Variants in DNAH8 observed in about 807,000 individuals in gnomAD.
The protein encoded by DNAH8 is axonemal beta dynein heavy chain 8.
DNAH8 carries 382 observed loss-of-function variants against 562.1 expected under a neutral mutation model. The ratio of observed to expected loss-of-function variants is 0.68; its 90% CI spans 0.63 to 0.74. The LOEUF (loss-of-function observed/expected upper bound fraction) is 0.74, where lower values mean the gene tolerates loss of function less well. Among genes scored for constraint, DNAH8 ranks in the 30% least tolerant of loss-of-function variants. The pLI is 0.00. For missense variants in DNAH8, 5,203 were observed against 5,620.4 expected (o/e 0.93, Z 2.37); for synonymous variants, 1,881 against 1,919.4 (o/e 0.98, Z 0.52).
At chr6:38,851,460 A>G (rs920663682) in intron 38 of DNAH8, 112 bp from the exon 39 acceptor site, 6 of 634,286 alleles carry the variant, frequency 9.5e-6, no homozygotes, top group African/African-American at 7.5e-5. Flanking sequence ...AAGTGACTTT[A>G]GGTGTTTGCT....
intron 12 of DNAH8, among the ~76,000 whole-genome samples, chr6:38,775,247 C>T (rs12206059): frequency 0.13 from 20,429 of 152,094 alleles, 1,869 homozygotes; most frequent in Non-Finnish European, 0.19. Flanking sequence ...GAAATGAAGT[C>T]CACTGTGAGG....
In DNAH8 at chr6:38,906,230, A is replaced by G. The variant is rs201424542; in HGVS notation, c.9195-24A>G. On this transcript the variant is annotated intron_variant, in intron 62 of 92. Coordinates refer to ENST00000327475, the MANE Select transcript of DNAH8 (RefSeq NM_001206927.2). ...CCGACTATATATTTTTTAATCTAAAACTTTCTATCATTTTTCTTCTTAGGT... is the reference window on the plus strand; with the variant it reads ...CCGACTATATATTTTTTAATCTAAAGCTTTCTATCATTTTTCTTCTTAGGT... The G allele has an allele frequency of 2.0e-6, 3 of 1,501,066 alleles. No individual in the cohort carries two copies. In the East Asian group the frequency reaches 6.8e-5, roughly 34 times the overall value. 93.0% of individuals were successfully genotyped at this position (1,501,066 alleles called of 1,614,324 possible).
chr6:38,934,808 C>T (rs753433496), intron 76 of DNAH8, among the ~76,000 whole-genome samples: 3 of 151,976 alleles, frequency 2.0e-5, no homozygotes, highest in Admixed American at 6.6e-5. Flanking sequence ...ATGACATCCA[C>T]GAGTGATTCA....
At chr6:38,727,364 G>A (rs1165895132) in intron 3 of DNAH8, among the ~76,000 whole-genome samples, 1 of 152,214 alleles carries the variant, frequency 6.6e-6, no homozygotes, top group Non-Finnish European at 1.5e-5. Context: ...TTGTTCTCTG[G>A]TTTACACTTG....
chr6:38,915,825 C>G (rs1049523243), intron 68 of DNAH8, among the ~76,000 whole-genome samples: 2 of 147,026 alleles, frequency 1.4e-5, no homozygotes, highest in African/African-American at 5.0e-5. Context: ...CATTCAACCT[C>G]TATATATAAT....
chr6:38,778,979 C>T (rs1275106715), intron 14 of DNAH8, among the ~76,000 whole-genome samples: 1 of 152,198 alleles, frequency 6.6e-6, no homozygotes, highest in African/African-American at 2.4e-5. Flanking sequence ...CATTCATCAT[C>T]TCACCGAGTT....
At chr6:38,873,415 A>G (rs1777626411) in intron 52 of DNAH8, 39 bp downstream of exon 52, 1 of 1,525,178 alleles carries the variant, frequency 6.6e-7, no homozygotes, top group African/African-American at 1.4e-5. Flanking sequence ...TTCGATTTTG[A>G]TTTTTTTTTC....
intron 11 of DNAH8, chr6:38,764,014 C>A (rs1238266540): frequency 6.5e-6 from 1 of 153,218 alleles, no homozygotes; most frequent in Non-Finnish European, 1.5e-5. Context: ...CTTCAAAATT[C>A]AAGGAAGACC....
chr6:38,776,415 G>T (rs900216032), intron 13 of DNAH8, among the ~76,000 whole-genome samples: 5 of 151,974 alleles, frequency 3.3e-5, no homozygotes, highest in East Asian at 1.9e-4. Context: ...ACAGGGTTTC[G>T]CCATGTTGGC....
intron 57 of DNAH8, among the ~76,000 whole-genome samples, chr6:38,889,768 C>G (rs950895386): frequency 6.6e-6 from 1 of 152,136 alleles, no homozygotes; most frequent in African/African-American, 2.4e-5. Flanking sequence ...CTTAGCACAA[C>G]CAACCATGAT....
chr6:38,722,916 C>A lies in DNAH8; in HGVS notation c.107C>A (p.Pro36His). ...PRSEEEEAPR[P>H]PTVEAPAEDG... Reference sequence around the variant, plus strand: ...TCAGAAGAGGAAGAGGCCCCGCGCCCTCCGACAGTGGAGGCCCCGGCAGAA... The same window carrying A: ...TCAGAAGAGGAAGAGGCCCCGCGCCATCCGACAGTGGAGGCCCCGGCAGAA... The change falls in exon 2 of 93, where the codon CCT (proline) becomes CAT (histidine). Residue 36 changes from proline (P) to histidine (H), a missense_variant. Pro to His is a moderately conservative substitution (Grantham distance 77). Transcript: ENST00000327475. The A allele has an allele frequency of 6.2e-7, 1 of 1,612,460 alleles. No individual in the cohort carries two copies. Among genetic ancestry groups the A allele is most frequent in the Non-Finnish European group, 8.5e-7 (1 of 1,179,642 alleles).
chr6:38,959,121 T>C (rs750925554), intron 82 of DNAH8, among the ~76,000 whole-genome samples: 29 of 152,146 alleles, frequency 1.9e-4, no homozygotes, highest in Non-Finnish European at 4.1e-4. Flanking sequence ...TATGAAGGAA[T>C]GTACCTCAAC....
At chr6:38,803,842 T>C (rs1002819724) in intron 22 of DNAH8, among the ~76,000 whole-genome samples, 3 of 151,948 alleles carry the variant, frequency 2.0e-5, no homozygotes, top group Middle Eastern at 6.8e-3. Flanking sequence ...GGGGTTTGGG[T>C]ACAGATAAAT....
rs112156184 is a variant in DNAH8, at chr6:38,828,383, T to A, written c.4188+95T>A. 1.9e-5 allele frequency: 12 copies of A among 628,768 alleles called. 2 individuals are homozygous for A. The highest frequency in any genetic ancestry group is 5.7e-5 in the African/African-American group (3 of 52,610). The allele number at this position is 628,768 out of a possible 1,614,324, so 38.9% of individuals were successfully genotyped here. A position where few individuals can be genotyped will look rare whatever the true frequency, so the allele number is the denominator to read the frequency against. Reference sequence around the variant, plus strand: ...CTTTTTAAAGCTTAATATACAGTCATGTGCCACATAACAATGTTTCAGTCA... The same window carrying A: ...CTTTTTAAAGCTTAATATACAGTCAAGTGCCACATAACAATGTTTCAGTCA... On this transcript the variant is annotated intron_variant, in intron 30 of 92. Transcript: ENST00000327475.
chr6:38,964,874 C>T (rs895065938), intron 82 of DNAH8, among the ~76,000 whole-genome samples: 2 of 152,052 alleles, frequency 1.3e-5, no homozygotes, highest in South Asian at 4.2e-4. Flanking sequence ...TCAGTCTGGC[C>T]AAACATAGCA....
At chr6:38,742,763 A>G (rs1764618223) in intron 8 of DNAH8, among the ~76,000 whole-genome samples, 1 of 151,150 alleles carries the variant, frequency 6.6e-6, no homozygotes, top group Non-Finnish European at 1.5e-5. Flanking sequence ...TAGTAAGCAC[A>G]GAAAGACAAC....
At chr6:38,851,937 A>G (rs934139448) in intron 39 of DNAH8, among the ~76,000 whole-genome samples, 3 of 152,162 alleles carry the variant, frequency 2.0e-5, no homozygotes, top group Non-Finnish European at 2.9e-5. Flanking sequence ...CCTCAATTCC[A>G]TATCTGTAAA....
chr6:38,718,847 T>C (rs1338919060), intron 1 of DNAH8, among the ~76,000 whole-genome samples: 1 of 152,114 alleles, frequency 6.6e-6, no homozygotes, highest in Non-Finnish European at 1.5e-5. Flanking sequence ...TATGATGTCG[T>C]TCTAAACTTT....
At chr6:38,766,929 C>T (rs957223683) in intron 11 of DNAH8, among the ~76,000 whole-genome samples, 5 of 151,886 alleles carry the variant, frequency 3.3e-5, no homozygotes, top group African/African-American at 4.8e-5. Flanking sequence ...CATCTAGGAT[C>T]GACATTTTCT....
Sources: allele counts gnomAD v4.1 joint callset (sites outside exome capture counted in the v4.1 genomes callset), GRCh38; gene constraint gnomAD v4.1.1; transcripts MANE v1.5; gene names NCBI Gene and HGNC (gene_info 2026-07-23, HGNC 2026-07-21).